VPS13B: variants seen among roughly 807,000 people sequenced by gnomAD.
The protein encoded by VPS13B is vacuolar protein sorting 13 homolog B.
A neutral mutation model predicts 426.4 loss-of-function variants in VPS13B; 285 were observed. That is an observed-to-expected ratio of 0.67 (90% CI 0.61 to 0.74). The LOEUF is 0.74. VPS13B is among the 30% of genes least tolerant of loss of function. The pLI is 0.00. For synonymous variants in VPS13B, 1,676 were observed against 1,676.4 expected (o/e 1.00, Z 0.01); for missense variants, 4,537 against 4,782.6 (o/e 0.95, Z 1.51).
chr8:99,038,037 C>T (rs1842823926), intron 2 of VPS13B, among the ~76,000 whole-genome samples: 2 of 152,020 alleles, frequency 1.3e-5, no homozygotes, highest in South Asian at 4.1e-4. Context: ...TACTGTTGCA[C>T]TATCATATAT....
At position 99,507,709 on chromosome 8, in the gene VPS13B, G is replaced by A. The variant is rs1170016426; in HGVS notation, c.4224+506G>A. On this transcript the variant is annotated intron_variant, in intron 28 of 61. Coordinates refer to ENST00000357162, the MANE Select transcript of VPS13B (RefSeq NM_152564.5). ...TTTAAAACTATCCAGATATTTTTTT[G>A]CTTATGGCTTTTATTGCTTTTTGTC... 19 of 1,608,932 alleles carry A rather than the reference G, an allele frequency of 1.2e-5. No individual in the cohort carries two copies. The South Asian group carries it at 1.7e-4, about 14-fold the overall frequency.
At position 99,271,190 on chromosome 8, in the gene VPS13B, C is replaced by T. The variant is rs183519450; in HGVS notation, c.2516-3008C>T. On this transcript the variant is annotated intron_variant, in intron 17 of 61. Transcript: ENST00000357162. ...GCTTTTATTGCTGCTGCTGCTGCTA[C>T]CACTAACTACTACTACTACTACTAC... Among the ~76,000 whole-genome samples the T allele has an allele frequency of 2.4e-3, 352 of 144,410 alleles. 1 individual carries two copies. The highest frequency in any genetic ancestry group is 8.7e-3 in the African/African-American group (340 of 38,868). 94.7% of individuals were successfully genotyped at this position (144,410 alleles called of 152,430 possible).
chr8:99,871,924 C>A (rs147798217), intron 61 of VPS13B, among the ~76,000 whole-genome samples: 3 of 152,334 alleles, frequency 2.0e-5, no homozygotes, highest in African/African-American at 7.2e-5. Context: ...TAGGAGAACC[C>A]AGCAGGCGGC....
chr8:99,777,533 C>T (rs1215880418), intron 41 of VPS13B, among the ~76,000 whole-genome samples: 5 of 152,138 alleles, frequency 3.3e-5, no homozygotes, highest in East Asian at 1.9e-4. Context: ...TCCCACAACA[C>T]GTGGGAATTC....
At chr8:99,679,231 C>G (rs1219363052) in intron 35 of VPS13B, among the ~76,000 whole-genome samples, 4 of 152,076 alleles carry the variant, frequency 2.6e-5, no homozygotes, top group African/African-American at 9.7e-5. Context: ...TTCTAAAAAT[C>G]ATGTGTGTCA....
rs186494381 is a variant in VPS13B at position 99,528,687 on chromosome 8, A to G, written c.4745+7677A>G. On this transcript the variant is annotated intron_variant, in intron 30 of 61. Coordinates refer to ENST00000357162, the MANE Select transcript of VPS13B (RefSeq NM_152564.5). ...AAGTATCCTTACAACATTCTGTTCT[A>G]TCTTCCGAAAATTACTGTAAGAAGC... Among the ~76,000 whole-genome samples, 124 of 152,222 alleles carry G rather than the reference A, an allele frequency of 8.1e-4. 1 individual carries two copies. Among genetic ancestry groups the G allele is most frequent in the African/African-American group, 2.6e-3 (110 of 41,566 alleles).
At chr8:99,860,839 G>C (rs1816797695) in intron 57 of VPS13B, among the ~76,000 whole-genome samples, 1 of 152,218 alleles carries the variant, frequency 6.6e-6, no homozygotes, top group Non-Finnish European at 1.5e-5. Flanking sequence ...AAACCAGACA[G>C]ATTCACGGCT....
At chr8:99,574,181 C>T (rs940198774) in intron 31 of VPS13B, among the ~76,000 whole-genome samples, 104 of 152,284 alleles carry the variant, frequency 6.8e-4, no homozygotes, top group African/African-American at 2.4e-3. Context: ...AGTTGCTTAT[C>T]AGCTTAAGGA....
At chr8:99,131,586 A>G (rs1442743211) in intron 8 of VPS13B, among the ~76,000 whole-genome samples, 1 of 151,784 alleles carries the variant, frequency 6.6e-6, no homozygotes, top group African/African-American at 2.4e-5. Flanking sequence ...TGTTTGCACA[A>G]TATTGTAGTT....
chr8:99,674,008 G>A (rs1045796391), intron 35 of VPS13B, among the ~76,000 whole-genome samples: 7 of 151,930 alleles, frequency 4.6e-5, no homozygotes, highest in African/African-American at 1.7e-4. Flanking sequence ...GTTAAGACTT[G>A]TGATCTGTCT....
intron 55 of VPS13B, among the ~76,000 whole-genome samples, chr8:99,853,201 T>C (rs992524072): frequency 6.6e-5 from 10 of 152,236 alleles, no homozygotes; most frequent in Admixed American, 3.9e-4. Flanking sequence ...AATCTGGTGT[T>C]GATAAGGGAA....
intron 39 of VPS13B, among the ~76,000 whole-genome samples, chr8:99,762,474 C>G (rs1810981300): frequency 6.6e-6 from 1 of 152,178 alleles, no homozygotes; most frequent in Non-Finnish European, 1.5e-5. Context: ...TCCTTTATCT[C>G]TGAAGTCATA....
intron 25 of VPS13B, among the ~76,000 whole-genome samples, chr8:99,491,069 C>G (rs1820581695): frequency 6.6e-6 from 1 of 152,178 alleles, no homozygotes; most frequent in Non-Finnish European, 1.5e-5. Context: ...CTACACACGG[C>G]TTTAAATGTG....
At chr8:99,156,130 G>A (rs1040914889) in intron 14 of VPS13B, among the ~76,000 whole-genome samples, 4 of 152,124 alleles carry the variant, frequency 2.6e-5, no homozygotes, top group Admixed American at 2.6e-4. Flanking sequence ...ACATTGTGTG[G>A]TGTAGTCCAT....
At chr8:99,534,266 G>T (rs553729533) in intron 30 of VPS13B, among the ~76,000 whole-genome samples, 1 of 152,262 alleles carries the variant, frequency 6.6e-6, no homozygotes, top group South Asian at 2.1e-4. Flanking sequence ...AGGTTTCCAT[G>T]AATATGGTTT....
At chr8:99,365,516 C>CTTCTTCTTTTT in intron 19 of VPS13B, among the ~76,000 whole-genome samples, 1 of 102,414 alleles carries the variant, frequency 9.8e-6, no homozygotes, top group Middle Eastern at 7.4e-3. Context: ...TCTTCTTCTT[C>CTTCTTCTTTTT]TTTTTTTTTT....
At chr8:99,231,156 T>C (rs1301443376) in intron 17 of VPS13B, among the ~76,000 whole-genome samples, 2 of 152,252 alleles carry the variant, frequency 1.3e-5, no homozygotes, top group Admixed American at 1.3e-4. Context: ...TAAAATACTA[T>C]AATTGTCAAT....
intron 39 of VPS13B, among the ~76,000 whole-genome samples, chr8:99,749,626 T>C (rs1810290542): frequency 6.6e-6 from 1 of 152,172 alleles, no homozygotes; most frequent in Non-Finnish European, 1.5e-5. Context: ...CCACATTTTC[T>C]TTATCTGTTC....
chr8:99,312,661 C>G (rs1348089047), intron 19 of VPS13B, among the ~76,000 whole-genome samples: 2 of 152,130 alleles, frequency 1.3e-5, no homozygotes, highest in African/African-American at 4.8e-5. Flanking sequence ...AGTTGCTCCT[C>G]TTGAGGAGTA....
Sources: allele counts gnomAD v4.1 joint callset (sites outside exome capture counted in the v4.1 genomes callset), GRCh38; gene constraint gnomAD v4.1.1; transcripts MANE v1.5; gene names NCBI Gene and HGNC (gene_info 2026-07-23, HGNC 2026-07-21).